The following FKBP15 variants were observed in gnomAD, a reference collection of about 807,000 sequenced individuals.
FKBP15 encodes the protein FKBP prolyl isomerase family member 15, also known as FK506-binding protein 15.
In FKBP15, 106 loss-of-function variants were observed where a neutral mutation model predicts 158.1. The observed-to-expected ratio is 0.67, with a 90% CI of 0.57 to 0.79. FKBP15 has a LOEUF of 0.79. FKBP15 is among the 30% of genes least tolerant of loss of function. The probability of loss-of-function intolerance (pLI) is 0.00; values close to 1 mark genes in which losing one functional copy is unlikely to be tolerated. For synonymous variants in FKBP15, 547 were observed against 548.6 expected (o/e 1.00, Z 0.04); for missense variants, 1,287 against 1,479.1 (o/e 0.87, Z 2.13).
intron 26 of FKBP15, 128 bp downstream of exon 26, chr9:113,169,096 A>T: frequency 7.8e-7 from 1 of 1,282,296 alleles, no homozygotes; most frequent in Non-Finnish European, 1.0e-6. Flanking sequence ...TTGAATTAAT[A>T]CATCAACTAA....
At chr9:113,186,129 C>A in intron 15 of FKBP15, 120 bp downstream of exon 15, 1 of 674,956 alleles carries the variant, frequency 1.5e-6, no homozygotes, top group Admixed American at 2.8e-5. Flanking sequence ...CTCAACAAAG[C>A]TGTTAAAAAA....
chr9:113,221,012 C>A (rs915758723), intron 1 of FKBP15, among the ~76,000 whole-genome samples, 179 bp downstream of exon 1: 11 of 152,162 alleles, frequency 7.2e-5, no homozygotes, highest in African/African-American at 2.7e-4. Context: ...AACCTCAGAT[C>A]GGCAGGGTCA....
At chr9:113,185,690 T>G (rs7030166) in intron 15 of FKBP15, among the ~76,000 whole-genome samples, 5,500 of 152,344 alleles carry the variant, frequency 0.036, 134 homozygotes, top group African/African-American at 0.059. Context: ...CCCAAGTAAC[T>G]GTTAACAACA....
rs1830034579 is a variant in FKBP15 at position 113,162,744 on chromosome 9, T to G, written c.*3334A>C. 6.2e-7 allele frequency: 1 copy of G among 1,608,854 alleles called. No individual in the cohort carries two copies. The highest frequency in any genetic ancestry group is 1.3e-5 in the African/African-American group (1 of 74,744). On this transcript the variant is annotated 3_prime_UTR_variant, in exon 28 of 28. Transcript: ENST00000238256. ...AGGATTAACTTGCTTCTCCTTTTTA[T>G]CTAGGTGGTATTTGTGTCACTTTGG...
At chr9:113,216,898 C>T (rs1035040778) in intron 1 of FKBP15, among the ~76,000 whole-genome samples, 2 of 146,896 alleles carry the variant, frequency 1.4e-5, no homozygotes, top group Non-Finnish European at 3.0e-5. Flanking sequence ...AGATTAATTC[C>T]ATTTTCTTTT....
Position 113,199,875 on chromosome 9 carries a change from A to G in FKBP15, c.587T>C (p.Val196Ala). 2 of 1,613,288 alleles carry G rather than the reference A, an allele frequency of 1.2e-6. No homozygotes were observed. Among genetic ancestry groups the G allele is most frequent in the South Asian group, 2.2e-5 (2 of 90,856 alleles). ...ATAGGCCACTTCCAAAGAATCTCCA[A>G]CTTCTACAGCAGGGCCGTCTGCCAC... Reference protein sequence around the residue: ...LIVADGPAVEVGDSLEVAYTG... With the variant: ...LIVADGPAVEAGDSLEVAYTG... The change falls in exon 7 of 28, where the codon GTT becomes GCT. Residue 196 changes from valine to alanine, a missense_variant. Physicochemically the swap from Val to Ala is moderately conservative, Grantham distance 64. Transcript: ENST00000238256.
At chr9:113,203,567 G>A (rs1264637864) in intron 4 of FKBP15, among the ~76,000 whole-genome samples, 2 of 149,344 alleles carry the variant, frequency 1.3e-5, no homozygotes, top group East Asian at 2.0e-4. Flanking sequence ...TCTCTCTGTC[G>A]CCCAGGCTGG....
intron 1 of FKBP15, among the ~76,000 whole-genome samples, chr9:113,214,722 A>G (rs1831083483): frequency 6.6e-6 from 1 of 152,234 alleles, no homozygotes; most frequent in African/African-American, 2.4e-5. Flanking sequence ...TCTAGCCATG[A>G]AAGTCCTAGA....
At chr9:113,187,442 C>G (rs1168961714) in intron 14 of FKBP15, 1 of 217,688 alleles carries the variant, frequency 4.6e-6, no homozygotes, top group East Asian at 1.3e-4. Flanking sequence ...GCTGAATATA[C>G]TGCAGAATGT....
At chr9:113,207,952 A>G (rs1830925165) in intron 2 of FKBP15, among the ~76,000 whole-genome samples, 1 of 152,224 alleles carries the variant, frequency 6.6e-6, no homozygotes, top group East Asian at 1.9e-4. Flanking sequence ...TTTGACAGCT[A>G]TAATATATGA....
At position 113,174,563 on chromosome 9, in the gene FKBP15, C is replaced by A; in HGVS notation, c.2244G>T (p.Lys748Asn). Residue 748 changes from lysine to asparagine, a missense_variant, in exon 22 of 28, where the codon AAG (lysine) becomes AAT (asparagine). Physicochemically the swap from Lys to Asn is moderately conservative, Grantham distance 94. Coordinates refer to ENST00000238256, the MANE Select transcript of FKBP15 (RefSeq NM_015258.2). ...CCTGAGAACGCTCTTGAGCTGACTT[C>A]TTTTTCCTTTCTGAGAGGTTCTTAG... Reference protein sequence around the residue: ...SLEKNLSERKKKSAQERSQAE... With the variant: ...SLEKNLSERKNKSAQERSQAE... The A allele has an allele frequency of 6.2e-7, 1 of 1,613,876 alleles. No homozygotes were observed. Among genetic ancestry groups the A allele is most frequent in the South Asian group, 1.1e-5 (1 of 91,084 alleles).
intron 25 of FKBP15, 55 bp from the exon 26 acceptor site, chr9:113,169,997 T>C (rs1475753919): frequency 6.8e-7 from 1 of 1,471,016 alleles, no homozygotes; most frequent in African/African-American, 1.4e-5. Context: ...TAGCCACTCC[T>C]AATTCTTATT....
At position 113,190,135 on chromosome 9, in the gene FKBP15, G is replaced by A. The variant is rs962090148; in HGVS notation, c.1173+336C>T. 6.6e-5 allele frequency among the ~76,000 whole-genome samples: 10 copies of A among 152,272 alleles called. No individual in the cohort carries two copies. The East Asian group carries it at 9.6e-4, about 15-fold the overall frequency. Reference sequence around the variant, plus strand: ...ATTTCCCAAAAGAATCTAAACATTCGCTCAATAAATATGAATTGAACACCT... The same window carrying A: ...ATTTCCCAAAAGAATCTAAACATTCACTCAATAAATATGAATTGAACACCT... On this transcript the variant is annotated intron_variant, in intron 12 of 27. Coordinates refer to ENST00000238256, the MANE Select transcript of FKBP15 (RefSeq NM_015258.2).
At chr9:113,200,078 G>T in intron 6 of FKBP15, 115 bp from the exon 7 acceptor site, 1 of 1,228,488 alleles carries the variant, frequency 8.1e-7, no homozygotes, top group Non-Finnish European at 1.1e-6. Context: ...CAGATTACAT[G>T]TTTAGAAGTA....
rs1444445046 is a variant in FKBP15 at position 113,164,024 on chromosome 9, A to T, written c.*2054T>A. 1 of 152,666 alleles carries T rather than the reference A, an allele frequency of 6.6e-6. No individual in the cohort carries two copies. Among genetic ancestry groups the T allele is most frequent in the Non-Finnish European group, 1.5e-5 (1 of 68,050 alleles). 9.5% of individuals were successfully genotyped at this position (152,666 alleles called of 1,614,324 possible). On this transcript the variant is annotated 3_prime_UTR_variant, in exon 28 of 28. Transcript: ENST00000238256. ...CTCTTCACTTTATAAAAAAGGAAAGAGAGAAAATCACTGCTGTATACTAAA... is the reference window on the plus strand; with the variant it reads ...CTCTTCACTTTATAAAAAAGGAAAGTGAGAAAATCACTGCTGTATACTAAA...
In FKBP15 at chr9:113,184,345, A is replaced by G. The variant is rs1279717445; in HGVS notation, c.1663T>C (p.Ser555Pro). 3.7e-6 allele frequency: 6 copies of G among 1,607,154 alleles called. No homozygotes were observed. The highest frequency in any genetic ancestry group is 5.1e-6 in the Non-Finnish European group (6 of 1,176,546). Residue 555 changes from serine (S) to proline (P), a missense_variant, in exon 17 of 28, where the codon TCA becomes CCA. Transcript: ENST00000238256. The surrounding 1 kb of genome is among the most constrained non-coding windows in gnomAD (Gnocchi z 4.5). ...AGNSMLIPSM[S>P]VTMETSMIMS... Reference sequence around the variant, plus strand: ...ATCATGCTTGTTTCCATTGTAACTGACATGCTAGGAATAAGCATGGAATTG... The same window carrying G: ...ATCATGCTTGTTTCCATTGTAACTGGCATGCTAGGAATAAGCATGGAATTG...
At chr9:113,188,519 C>T in intron 12 of FKBP15, 28 bp from the exon 13 acceptor site, 1 of 1,584,886 alleles carries the variant, frequency 6.3e-7, no homozygotes, top group Non-Finnish European at 8.7e-7. Context: ...GTTTGGGTTA[C>T]TCTGTACGGG....
intron 2 of FKBP15, among the ~76,000 whole-genome samples, chr9:113,209,516 T>C (rs554240059): frequency 3.3e-4 from 51 of 152,300 alleles, no homozygotes; most frequent in African/African-American, 1.2e-3. Flanking sequence ...TAATAGGTAA[T>C]ATTTAAAGCA....
At chr9:113,186,216 G>A (rs752760574) in intron 15 of FKBP15, 33 bp downstream of exon 15, 18 of 1,439,908 alleles carry the variant, frequency 1.3e-5, no homozygotes, top group South Asian at 2.4e-5. Context: ...CAGCAAGAGC[G>A]GAAGATGAGA....
Sources: gnomAD v4.1 joint callset for allele counts (sites outside exome capture counted in the v4.1 genomes callset) on GRCh38, gnomAD v4.1.1 for gene constraint, Gnocchi (gnomAD v3.1) non-coding constraint, MANE v1.5 for transcripts, NCBI Gene and HGNC (gene_info 2026-07-23, HGNC 2026-07-21) for gene names.